Variants in KLF8 observed in about 807,000 individuals in gnomAD.
The protein encoded by KLF8 is KLF transcription factor 8.
A neutral mutation model predicts 18.2 loss-of-function variants in KLF8; 10 were observed. The observed-to-expected ratio is 0.55, with a 90% CI of 0.34 to 0.93. The LOEUF is 0.93. Ranked by LOEUF, KLF8 falls within the 40% of genes least tolerant of loss-of-function variation. The pLI, the probability that KLF8 is intolerant of heterozygous loss-of-function variation, is 0.02. For missense variants in KLF8, 264 were observed against 277.9 expected, an observed-to-expected ratio of 0.95 and a Z score of 0.36; for synonymous variants, 109 against 97.3, an observed-to-expected ratio of 1.12 and a Z score of -0.71.
chrX:56,136,168 A>T, the KLF8 span, among the ~76,000 whole-genome samples: 1 of 111,757 alleles, frequency 8.9e-6, no homozygotes, highest in Non-Finnish European at 1.9e-5. Context: ...GAAAATGACC[A>T]TACTGCCCAA....
At chrX:55,936,385 T>C in the KLF8 span, among the ~76,000 whole-genome samples, 2 of 112,370 alleles carry the variant, frequency 1.8e-5, no homozygotes, top group Non-Finnish European at 3.8e-5. Flanking sequence ...CTTGTAAGAA[T>C]CTAGTCGAGG....
the KLF8 span, among the ~76,000 whole-genome samples, chrX:56,095,009 G>T: frequency 1.8e-5 from 2 of 111,145 alleles, no homozygotes; most frequent in Admixed American, 1.9e-4. Flanking sequence ...CAATTGAAAA[G>T]TTCCAACAGA....
At chrX:55,949,785 G>C in the KLF8 span, among the ~76,000 whole-genome samples, 2 of 106,484 alleles carry the variant, frequency 1.9e-5, no homozygotes, top group African/African-American at 3.4e-5. Flanking sequence ...GCGAGACTCC[G>C]TTTCAAAAAA....
chrX:56,107,818 G>A, the KLF8 span, among the ~76,000 whole-genome samples: 11 of 111,600 alleles, frequency 9.9e-5, no homozygotes, highest in African/African-American at 3.6e-4. Context: ...CATGCTGGGA[G>A]CTGCAGACCC....
At chrX:56,223,406 A>C in the KLF8 span, among the ~76,000 whole-genome samples, 6 of 112,416 alleles carry the variant, frequency 5.3e-5, no homozygotes, top group African/African-American at 1.9e-4. Context: ...TAAATAACTT[A>C]CTACAATCTA....
chrX:56,159,388 G>A, the KLF8 span, among the ~76,000 whole-genome samples: 3 of 112,516 alleles, frequency 2.7e-5, no homozygotes, highest in African/African-American at 9.7e-5. Flanking sequence ...GTATCAGGAT[G>A]ATGCTGGCCT....
chrX:56,196,985 C>A, the KLF8 span, among the ~76,000 whole-genome samples: 4 of 112,008 alleles, frequency 3.6e-5, no homozygotes. Context: ...CAACCTGCTC[C>A]TGAATGACTA....
At chrX:56,017,871 GTGTTTTATTTATTT>G in the KLF8 span, among the ~76,000 whole-genome samples, 2 of 111,603 alleles carry the variant, frequency 1.8e-5, no homozygotes, top group Non-Finnish European at 3.8e-5. Context: ...AGCATTTGAA[GTGTTTTATTTATTT>G]TTATTAATTT....
chrX:56,186,658 G>C, the KLF8 span, among the ~76,000 whole-genome samples: 2 of 111,733 alleles, frequency 1.8e-5, no homozygotes, highest in Non-Finnish European at 3.8e-5. Flanking sequence ...TAAAAGATCA[G>C]AAATTATAAC....
the KLF8 span, among the ~76,000 whole-genome samples, chrX:56,205,794 C>G: frequency 8.9e-6 from 1 of 111,740 alleles, no homozygotes; most frequent in East Asian, 2.8e-4. Context: ...CCAGGATTTT[C>G]TTTACTGGGA....
chrX:56,029,228 A>T, the KLF8 span, among the ~76,000 whole-genome samples: 1 of 110,706 alleles, frequency 9.0e-6, no homozygotes, highest in African/African-American at 3.3e-5. Context: ...AAAAGGCTCC[A>T]TTCTTCTCAG....
the KLF8 span, among the ~76,000 whole-genome samples, chrX:56,058,235 C>CACATATATAT: frequency 5.8e-5 from 2 of 34,210 alleles, no homozygotes; most frequent in Non-Finnish European, 1.8e-4. Flanking sequence ...TATATATACA[C>CACATATATAT]ACATATATAT....
chrX:56,197,130 C>A, the KLF8 span, among the ~76,000 whole-genome samples: 2 of 111,372 alleles, frequency 1.8e-5, no homozygotes, highest in Non-Finnish European at 1.9e-5. Flanking sequence ...TAAATACCCA[C>A]AAGAGAAAGC....
At chrX:56,061,816 A>T in the KLF8 span, among the ~76,000 whole-genome samples, 3 of 110,192 alleles carry the variant, frequency 2.7e-5, no homozygotes, top group African/African-American at 1.0e-4. Context: ...GTAGGTCTCT[A>T]AGAACTTGCT....
the KLF8 span, among the ~76,000 whole-genome samples, chrX:56,061,105 C>A: frequency 1.8e-5 from 2 of 111,402 alleles, no homozygotes; most frequent in Non-Finnish European, 3.8e-5. Flanking sequence ...ATGATCTTTT[C>A]AAAAAACCAG....
At chrX:56,233,537 GA>G (rs1389858340) in intron 1 of KLF8, among the ~76,000 whole-genome samples, 196 bp downstream of exon 1, 4 of 112,127 alleles carry the variant, frequency 3.6e-5, no homozygotes, top group Non-Finnish European at 7.5e-5. Flanking sequence ...GCTGGGCAAA[GA>G]AAGGCCAAGA....
the KLF8 span, among the ~76,000 whole-genome samples, chrX:56,200,630 C>T: frequency 9.1e-6 from 1 of 109,387 alleles, no homozygotes; most frequent in Non-Finnish European, 1.9e-5. Flanking sequence ...AACTAGAAAA[C>T]CTCTGAGCAG....
At chrX:56,170,043 C>T in the KLF8 span, among the ~76,000 whole-genome samples, 1 of 110,879 alleles carries the variant, frequency 9.0e-6, no homozygotes, top group Admixed American at 9.7e-5. Flanking sequence ...AGAGTCTCTG[C>T]CTGGTAATCA....
At chrX:56,227,767 T>C (rs747551465), upstream of KLF8, among the ~76,000 whole-genome samples, 11 of 110,648 alleles carry the variant, frequency 9.9e-5, no homozygotes, top group Non-Finnish European at 1.9e-4. Flanking sequence ...GACTTGATTG[T>C]TGATTATAAA....
Sources: gnomAD v4.1 joint callset for allele counts (sites outside exome capture counted in the v4.1 genomes callset) on GRCh38, gnomAD v4.1.1 for gene constraint, MANE v1.5 for transcripts, NCBI Gene and HGNC (gene_info 2026-07-23, HGNC 2026-07-21) for gene names.